SCML4: variants seen among roughly 807,000 people sequenced by gnomAD.
SCML4 encodes the protein Scm polycomb group protein like 4.
Under a neutral mutation model 41.1 loss-of-function variants are expected in SCML4, and 34 were observed. That is an observed-to-expected ratio of 0.83 (90% CI 0.63 to 1.10). SCML4 has a LOEUF of 1.10. SCML4 is among the 50% of genes least tolerant of loss of function. SCML4 has a pLI of 0.00. For synonymous variants in SCML4, 214 were observed against 220.9 expected (o/e 0.97, Z 0.28); for missense variants, 522 against 534.1 (o/e 0.98, Z 0.22).
chr6:107,822,709 C>A (rs986338631), intron 1 of SCML4, among the ~76,000 whole-genome samples: 24 of 151,992 alleles, frequency 1.6e-4, no homozygotes, highest in African/African-American at 5.6e-4. Context: ...AAAACACATT[C>A]ATATTTTTTA....
the SCML4 span, among the ~76,000 whole-genome samples, chr6:107,844,072 C>T: frequency 6.6e-6 from 1 of 152,056 alleles, no homozygotes; most frequent in African/African-American, 2.4e-5. Context: ...AAAGACAGAA[C>T]AAAATGAGTA....
At chr6:107,742,076 C>T (rs994466461) in intron 5 of SCML4, among the ~76,000 whole-genome samples, 3 of 151,648 alleles carry the variant, frequency 2.0e-5, no homozygotes, top group Non-Finnish European at 4.4e-5. Context: ...AGAAATTTAA[C>T]AAAGAGATTG....
chr6:107,720,884 G>C lies in SCML4; in HGVS notation c.792C>G (p.Ser264=). The change falls in exon 6 of 8, where the codon TCC becomes TCG. Residue 264 remains serine (S), a synonymous_variant. Coordinates refer to ENST00000369020, the MANE Select transcript of SCML4 (RefSeq NM_198081.5). ...TFNHRGSLHP[S]SSLYCKRQNS... is the part of the protein sequence containing the mutation. The stretch of plus-strand genomic sequence containing the variant: ...TCTGCCTCTTGCAGTACAGCGAGGA[G>C]GAGGGGTGCAAGGAGCCCCTGTGGT... 1 of 1,614,232 alleles carries C rather than the reference G, an allele frequency of 6.2e-7. No individual in the cohort carries two copies. The highest frequency in any genetic ancestry group is 8.5e-7 in the Non-Finnish European group (1 of 1,180,036).
intron 5 of SCML4, among the ~76,000 whole-genome samples, chr6:107,741,213 T>G (rs1297505712): frequency 2.0e-5 from 3 of 151,096 alleles, no homozygotes; most frequent in Non-Finnish European, 4.4e-5. Context: ...AACTCAAATA[T>G]GAAGAGGAGA....
the SCML4 span, among the ~76,000 whole-genome samples, chr6:107,830,546 C>T: frequency 1.3e-5 from 2 of 152,188 alleles, no homozygotes; most frequent in Non-Finnish European, 2.9e-5. Flanking sequence ...AATAGGTCTT[C>T]TCCACTATAA....
intron 2 of SCML4, among the ~76,000 whole-genome samples, chr6:107,763,883 T>G (rs1166108561): frequency 6.6e-6 from 1 of 152,206 alleles, no homozygotes; most frequent in African/African-American, 2.4e-5. Context: ...ACCCAGGCTA[T>G]GGTATTTTGG....
At chr6:107,733,959 T>C (rs1198427098) in intron 5 of SCML4, among the ~76,000 whole-genome samples, 1 of 152,188 alleles carries the variant, frequency 6.6e-6, no homozygotes. Context: ...CCAGCTCTAA[T>C]GGCTCACGGA....
chr6:107,705,150 T>C lies in SCML4; in HGVS notation c.*50A>G. 6.6e-7 allele frequency: 1 copy of C among 1,512,552 alleles called. No individual in the cohort carries two copies. Among genetic ancestry groups the C allele is most frequent in the Non-Finnish European group, 9.0e-7 (1 of 1,111,402 alleles). The allele number at this position is 1,512,552 out of a possible 1,614,324, so 93.7% of individuals were successfully genotyped here. On this transcript the variant is annotated 3_prime_UTR_variant, in exon 8 of 8. Coordinates refer to ENST00000369020, the MANE Select transcript of SCML4 (RefSeq NM_198081.5). The stretch of plus-strand genomic sequence containing the variant: ...GGCGGGATATTGGTAAGGCAGAAGA[T>C]AATCTTGGGATCTGTTGTTTTGGGT...
In SCML4 at chr6:107,792,730, C is replaced by CAA. The variant is rs529040468; in HGVS notation, c.-59-20346_-59-20345dup. Among the ~76,000 whole-genome samples, 1,017 of 125,604 alleles carry CAA rather than the reference C, an allele frequency of 8.1e-3. 15 individuals are homozygous for CAA. The highest frequency in any genetic ancestry group is 0.027 in the African/African-American group (953 of 35,500). The allele number at this position is 125,604 out of a possible 152,430, so 82.4% of individuals were successfully genotyped here. A position where few individuals can be genotyped will look rare whatever the true frequency, so the allele number is the denominator to read the frequency against. On this transcript the variant is annotated intron_variant, in intron 1 of 7. Transcript: ENST00000369020. ...CTGGTGACAGGGAGAGACTCTGTCT[C>CAA]AAAAAAAAAAAAAGATAAAAAGGAT...
chr6:107,791,811 G>A (rs894798672), intron 1 of SCML4, among the ~76,000 whole-genome samples: 4 of 152,000 alleles, frequency 2.6e-5, no homozygotes, highest in South Asian at 2.1e-4. Context: ...AAAATTAGCT[G>A]AGCGTGGTGG....
At chr6:107,831,891 A>G in the SCML4 span, among the ~76,000 whole-genome samples, 62 of 87,726 alleles carry the variant, frequency 7.1e-4, no homozygotes, top group East Asian at 0.019. Flanking sequence ...TCTCTACTAA[A>G]AAATACACAC....
intron 3 of SCML4, among the ~76,000 whole-genome samples, chr6:107,749,151 TGA>T (rs879466849): frequency 6.6e-6 from 1 of 152,024 alleles, no homozygotes. Context: ...TGCGTGTGTG[TGA>T]GAGAGAGATA....
the SCML4 span, among the ~76,000 whole-genome samples, chr6:107,836,208 A>T: frequency 6.6e-6 from 1 of 152,328 alleles, no homozygotes; most frequent in African/African-American, 2.4e-5. Flanking sequence ...ACATCCTGTT[A>T]AGAAACCAGG....
rs78039550 is a variant in SCML4 at position 107,797,231 on chromosome 6, A to G, written c.-59-24845T>C. 4.5e-3 allele frequency among the ~76,000 whole-genome samples: 689 copies of G among 152,254 alleles called. 5 individuals are homozygous for G. Among genetic ancestry groups the G allele is most frequent in the East Asian group, 0.025 (129 of 5,194 alleles). ...TTGAATTCATTTTGGAAAGAATTGA[A>G]AATTTAACAATATTGAGTCTTACAA... On this transcript the variant is annotated intron_variant, in intron 1 of 7. Transcript: ENST00000369020.
chr6:107,783,704 G>A (rs1484016641), intron 1 of SCML4, among the ~76,000 whole-genome samples: 7 of 150,734 alleles, frequency 4.6e-5, no homozygotes, highest in Non-Finnish European at 1.0e-4. Flanking sequence ...CTGATGGCAG[G>A]TGCTGGTCTG....
intron 5 of SCML4, among the ~76,000 whole-genome samples, chr6:107,726,532 C>CAAAAAAAAAAAAAAAAAAAAA (rs59013088): frequency 5.5e-5 from 4 of 72,378 alleles, no homozygotes; most frequent in African/African-American, 1.3e-4. Flanking sequence ...GACTCCATCT[C>CAAAAAAAAAAAAAAAAAAAAA]AAAAAAAAAA....
the SCML4 span, among the ~76,000 whole-genome samples, chr6:107,843,376 T>C: frequency 2.0e-5 from 3 of 152,186 alleles, no homozygotes; most frequent in Admixed American, 2.0e-4. Flanking sequence ...ATTGTTCCAC[T>C]GCCCCTTTAA....
At chr6:107,831,621 T>A in the SCML4 span, among the ~76,000 whole-genome samples, 2 of 152,104 alleles carry the variant, frequency 1.3e-5, no homozygotes, top group African/African-American at 4.8e-5. Flanking sequence ...CAGCTCAAAC[T>A]GGCTTTAAAA....
At chr6:107,740,176 G>A in intron 5 of SCML4, 2 of 470,632 alleles carry the variant, frequency 4.2e-6, no homozygotes, top group East Asian at 6.9e-5. Context: ...GATGTTAAAA[G>A]GAAACCATTT....
Sources: gnomAD v4.1 joint callset for allele counts (sites outside exome capture counted in the v4.1 genomes callset) on GRCh38, gnomAD v4.1.1 for gene constraint, MANE v1.5 for transcripts, NCBI Gene and HGNC (gene_info 2026-07-23, HGNC 2026-07-21) for gene names.